PCDHGA1: variants seen among roughly 807,000 people sequenced by gnomAD.
PCDHGA1 encodes protocadherin gamma-A1.
Under a neutral mutation model 58.0 loss-of-function variants are expected in PCDHGA1, and 32 were observed. The observed-to-expected ratio is 0.55, with a 90% CI of 0.42 to 0.74. The LOEUF is 0.74. PCDHGA1 is among the 30% of genes least tolerant of loss of function. PCDHGA1 has a pLI of 0.00. For missense variants in PCDHGA1, 1,205 were observed against 1,182.3 expected (o/e 1.02, Z -0.28); for synonymous variants, 498 against 501.1 (o/e 0.99, Z 0.08).
intron 1 of PCDHGA1, chr5:141,403,283 G>A: frequency 6.2e-7 from 1 of 1,613,914 alleles, no homozygotes; most frequent in South Asian, 1.1e-5. Context: ...AGTCCTGGTT[G>A]AAGACAGAGT....
At chr5:141,400,242 G>A (rs757952126) in intron 1 of PCDHGA1, 14 of 1,613,894 alleles carry the variant, frequency 8.7e-6, no homozygotes, top group Middle Eastern at 1.6e-4. Context: ...CCGTGATTCT[G>A]GCCGTTGCCT....
chr5:141,426,094 G>C (rs2096914562), intron 1 of PCDHGA1, among the ~76,000 whole-genome samples: 1 of 152,350 alleles, frequency 6.6e-6, no homozygotes, highest in African/African-American at 2.4e-5. Flanking sequence ...ACGATATTCT[G>C]TTCAGTCACA....
chr5:141,346,234 G>A (rs1757717288), intron 1 of PCDHGA1: 2 of 1,614,212 alleles, frequency 1.2e-6, no homozygotes, highest in South Asian at 2.2e-5. Context: ...GGCTTGGCGA[G>A]TACGCCCGGC....
chr5:141,346,907 T>C (rs1247197214), intron 1 of PCDHGA1, among the ~76,000 whole-genome samples: 1 of 152,214 alleles, frequency 6.6e-6, no homozygotes, highest in African/African-American at 2.4e-5. Context: ...TACATACAAG[T>C]AAAAATACAT....
Position 141,391,341 on chromosome 5 carries a change from CTCTG to C in PCDHGA1, c.2421+58242_2421+58245del, listed in dbSNP as rs1256271403. Reference sequence around the variant, plus strand: ...TCTTTTTTTTTTTTTGAGACAGAGTCTCTGTCTGTTACTCAGGCTGTAGTGCAGT... The same window carrying C: ...TCTTTTTTTTTTTTTGAGACAGAGTCTCTGTTACTCAGGCTGTAGTGCAGT... On this transcript the variant is annotated intron_variant, in intron 1 of 3. Transcript: ENST00000517417. 2.1e-5 allele frequency: 3 copies of C among 145,162 alleles called. No individual in the cohort carries two copies. In the South Asian group the frequency reaches 6.5e-4, roughly 32 times the overall value. The allele number at this position is 145,162 out of a possible 1,614,324, so 9.0% of individuals were successfully genotyped here.
intron 1 of PCDHGA1, chr5:141,339,483 C>A (rs1756842461): frequency 6.2e-7 from 1 of 1,614,072 alleles, no homozygotes; most frequent in African/African-American, 1.3e-5. Flanking sequence ...CAGAAGTACG[C>A]ACTCAACCCA....
chr5:141,423,085 G>A, intron 1 of PCDHGA1: 1 of 1,614,072 alleles, frequency 6.2e-7, no homozygotes, highest in Non-Finnish European at 8.5e-7. Flanking sequence ...ACTCTTCGCG[G>A]TGGGGGAGCA....
chr5:141,440,780 C>T (rs748247053), intron 1 of PCDHGA1: 1 of 152,158 alleles, frequency 6.6e-6, no homozygotes, highest in African/African-American at 2.4e-5. Flanking sequence ...GTGCTAGCAG[C>T]CTTAGACGGC....
At chr5:141,379,459 C>G (rs1775609883) in intron 1 of PCDHGA1, 1 of 152,182 alleles carries the variant, frequency 6.6e-6, no homozygotes, top group East Asian at 1.9e-4. Flanking sequence ...TTCATAAACT[C>G]TGAAAGTGTG....
At position 141,489,644 on chromosome 5, in the gene PCDHGA1, C is replaced by T. The variant is rs1244782345; in HGVS notation, c.2422-5163C>T. 11 of 1,614,070 alleles carry T rather than the reference C, an allele frequency of 6.8e-6. No individual in the cohort carries two copies. The Admixed American group carries it at 1.8e-4, about 27-fold the overall frequency. ...AATGACAACTCTCCTAGCTTTGCCA[C>T]CCCTGAGCGAGAGATGCGCATCTCA... is the stretch of plus-strand genomic sequence containing the variant. On this transcript the variant is annotated intron_variant, in intron 1 of 3. Coordinates refer to ENST00000517417, the MANE Select transcript of PCDHGA1 (RefSeq NM_018912.3). The surrounding 1 kb of genome is among the most constrained non-coding windows in gnomAD (Gnocchi z 4.5).
intron 1 of PCDHGA1, chr5:141,421,454 T>C: frequency 6.2e-7 from 1 of 1,614,132 alleles, no homozygotes; most frequent in Non-Finnish European, 8.5e-7. Flanking sequence ...ACACAGCTTT[T>C]CGCTGTGAAT....
Position 141,368,385 on chromosome 5 carries a change from A to T in PCDHGA1, c.2421+35280A>T, listed in dbSNP as rs535451348. Among the ~76,000 whole-genome samples the T allele has an allele frequency of 8.5e-5, 13 of 152,240 alleles. 1 individual carries two copies. The South Asian group carries it at 2.5e-3, about 29-fold the overall frequency. On this transcript the variant is annotated intron_variant, in intron 1 of 3. Coordinates refer to ENST00000517417, the MANE Select transcript of PCDHGA1 (RefSeq NM_018912.3). ...TACACACATATATATACACACATAC[A>T]CACACACAAACACACATACATACAC... is the stretch of plus-strand genomic sequence containing the variant.
At chr5:141,462,116 C>T (rs535029363) in intron 1 of PCDHGA1, among the ~76,000 whole-genome samples, 3 of 152,152 alleles carry the variant, frequency 2.0e-5, no homozygotes, top group Admixed American at 1.3e-4. Context: ...AGCCACTGCA[C>T]CCAGTCCAAT....
At chr5:141,371,720 C>G in intron 1 of PCDHGA1, 1 of 1,614,070 alleles carries the variant, frequency 6.2e-7, no homozygotes. Flanking sequence ...CTCTGCACAT[C>G]CTTGATGTCA....
rs1348847945 is a variant in PCDHGA1, at chr5:141,493,426, C to G, written c.2422-1381C>G. ...TGCCTCTGCTGGGATTTTGCTTCTG[C>G]TGGGATGGGGCAAGGGTGGGGTTCC... On this transcript the variant is annotated intron_variant, in intron 1 of 3. Transcript: ENST00000517417. The surrounding 1 kb of genome is among the most constrained non-coding windows in gnomAD (Gnocchi z 4.3). Among the ~76,000 whole-genome samples, 2 of 152,144 alleles carry G rather than the reference C, an allele frequency of 1.3e-5. No homozygotes were observed. The highest frequency in any genetic ancestry group is 4.8e-5 in the African/African-American group (2 of 41,424).
At chr5:141,402,597 T>G (rs1268830791) in intron 1 of PCDHGA1, among the ~76,000 whole-genome samples, 1 of 152,254 alleles carries the variant, frequency 6.6e-6, no homozygotes, top group African/African-American at 2.4e-5. Context: ...TAGATTGCTT[T>G]TGAAATACAA....
chr5:141,511,182 C>A lies in PCDHGA1; in HGVS notation c.*9C>A. ...AGAAGGAGAAGAAGTAACATGGAGG[C>A]CAGGCCAAGAGCCACAGGGCGGCCT... is the stretch of plus-strand genomic sequence containing the variant. On this transcript the variant is annotated 3_prime_UTR_variant, in exon 4 of 4. Transcript: ENST00000517417. 6.2e-7 allele frequency: 1 copy of A among 1,614,022 alleles called. No homozygotes were observed. Among genetic ancestry groups the A allele is most frequent in the Non-Finnish European group, 8.5e-7 (1 of 1,179,946 alleles).
rs780541121 is a variant in PCDHGA1 at position 141,477,533 on chromosome 5, G to A, written c.2422-17274G>A. ...TTACATTGAAGAAAACAACCTCCCCGGGGCTCCAATACTAAACCTAAGTGT... is the reference window on the plus strand; with the variant it reads ...TTACATTGAAGAAAACAACCTCCCCAGGGCTCCAATACTAAACCTAAGTGT... On this transcript the variant is annotated intron_variant, in intron 1 of 3. Coordinates refer to ENST00000517417, the MANE Select transcript of PCDHGA1 (RefSeq NM_018912.3). This position sits in a 1 kb window ranked among gnomAD's most constrained non-coding sequence, Gnocchi z 4.9. The A allele has an allele frequency of 6.2e-7, 1 of 1,614,010 alleles. No individual in the cohort carries two copies. The highest frequency in any genetic ancestry group is 1.1e-5 in the South Asian group (1 of 91,066).
intron 1 of PCDHGA1, chr5:141,383,917 G>A: frequency 6.2e-7 from 1 of 1,613,928 alleles, no homozygotes; most frequent in Non-Finnish European, 8.5e-7. Flanking sequence ...AGTTTTAGAT[G>A]TAAATGATAA....
Sources: allele counts gnomAD v4.1 joint callset (sites outside exome capture counted in the v4.1 genomes callset), GRCh38; gene constraint gnomAD v4.1.1; non-coding constraint Gnocchi (gnomAD v3.1); transcripts MANE v1.5; gene names NCBI Gene and HGNC (gene_info 2026-07-23, HGNC 2026-07-21).